Variants in C9 observed in about 807,000 individuals in gnomAD.
The protein encoded by C9 is complement component C9.
Under a neutral mutation model 65.4 loss-of-function variants are expected in C9, and 63 were observed. The ratio of observed to expected loss-of-function variants is 0.96; its 90% CI spans 0.79 to 1.19. The LOEUF is 1.19. Among genes scored for constraint, C9 ranks in the 50% most tolerant of loss-of-function variants. The pLI is 0.00. For synonymous variants in C9, 229 were observed against 227.9 expected, an observed-to-expected ratio of 1.00 and a Z score of -0.04; for missense variants, 744 against 670.1, an observed-to-expected ratio of 1.11 and a Z score of -1.22.
chr5:39,322,152 C>A (rs1561342906), intron 5 of C9, among the ~76,000 whole-genome samples: 1 of 152,058 alleles, frequency 6.6e-6, no homozygotes, highest in East Asian at 1.9e-4. Context: ...TATTAAGGAT[C>A]TCTTTTGATC....
intron 1 of C9, among the ~76,000 whole-genome samples, chr5:39,359,365 C>G (rs1481181820): frequency 1.3e-5 from 2 of 151,640 alleles, no homozygotes; most frequent in Non-Finnish European, 2.9e-5. Context: ...AACAATTGCA[C>G]TGGAGATACA....
At chr5:39,317,774 T>G (rs1001252793) in intron 5 of C9, among the ~76,000 whole-genome samples, 1 of 152,164 alleles carries the variant, frequency 6.6e-6, no homozygotes, top group African/African-American at 2.4e-5. Context: ...AGTCAGGCAG[T>G]GTGACACCTC....
chr5:39,323,517 T>C (rs1165363917), intron 5 of C9, among the ~76,000 whole-genome samples: 1 of 149,804 alleles, frequency 6.7e-6, no homozygotes, highest in Non-Finnish European at 1.5e-5. Context: ...GTTTAACATA[T>C]GCAAATCAAT....
intron 9 of C9, 135 bp from the exon 10 acceptor site, chr5:39,289,086 T>C: frequency 3.0e-6 from 2 of 667,760 alleles, no homozygotes; most frequent in Non-Finnish European, 5.4e-6. Context: ...TTGCCAGATG[T>C]GATGTTAGCT....
intron 10 of C9, 72 bp downstream of exon 10, chr5:39,288,651 G>T: frequency 1.3e-6 from 1 of 796,994 alleles, no homozygotes; most frequent in Non-Finnish European, 2.3e-6. Flanking sequence ...TAATTCAAGA[G>T]CTAGTTTTCA....
At chr5:39,354,933 T>C (rs575864615) in intron 1 of C9, among the ~76,000 whole-genome samples, 1 of 152,350 alleles carries the variant, frequency 6.6e-6, no homozygotes, top group South Asian at 2.1e-4. Context: ...TGGAACATCA[T>C]TGGTTTCAGG....
chr5:39,350,348 C>G (rs1754300581), intron 1 of C9, among the ~76,000 whole-genome samples: 1 of 152,168 alleles, frequency 6.6e-6, no homozygotes, highest in Admixed American at 6.5e-5. Flanking sequence ...CAGTGCCAAA[C>G]CATATCATTC....
intron 4 of C9, among the ~76,000 whole-genome samples, chr5:39,332,575 G>C (rs886652162): frequency 6.6e-6 from 1 of 152,220 alleles, no homozygotes; most frequent in Non-Finnish European, 1.5e-5. Flanking sequence ...ATATACCTCT[G>C]TTCATTGGAG....
At position 39,341,205 on chromosome 5, in the gene C9, A is replaced by G. The variant is rs201897029; in HGVS notation, c.417T>C (p.Arg139=). 3.8e-4 allele frequency: 618 copies of G among 1,613,950 alleles called. 6 individuals carry two copies. In the East Asian group the frequency reaches 0.014, roughly 35 times the overall value. ...CTACCACTCTGTCTCTGCAGGGGGG[A>G]CGGGGCTCACTTTCACAATCATCCT... ...SDEDDCESEP[R]PPCRDRVVEE... The change falls in exon 4 of 11, where the codon CGT becomes CGC. Residue 139 remains arginine (R), a synonymous_variant. Transcript: ENST00000263408.
intron 5 of C9, among the ~76,000 whole-genome samples, chr5:39,322,071 A>G (rs1753674987): frequency 6.6e-6 from 1 of 152,038 alleles, no homozygotes; most frequent in African/African-American, 2.4e-5. Context: ...GCACACATGG[A>G]ACATTCTCGT....
chr5:39,333,180 C>T (rs773921956), intron 4 of C9, among the ~76,000 whole-genome samples: 47 of 51,954 alleles, frequency 9.0e-4, no homozygotes, highest in Non-Finnish European at 1.6e-3. Context: ...CCTTATTCCT[C>T]ATGATAAATT....
At chr5:39,322,935 C>G (rs10062131) in intron 5 of C9, among the ~76,000 whole-genome samples, 4,483 of 152,104 alleles carry the variant, frequency 0.029, 204 homozygotes, top group African/African-American at 0.1. Flanking sequence ...AAGGATTTAG[C>G]TATTTGTGAG....
intron 9 of C9, among the ~76,000 whole-genome samples, chr5:39,291,667 AAAAC>A (rs1753100002): frequency 6.6e-6 from 1 of 151,976 alleles, no homozygotes; most frequent in African/African-American, 2.4e-5. Context: ...GAAAATCTTA[AAAAC>A]AGTTTAGTAA....
intron 1 of C9, among the ~76,000 whole-genome samples, chr5:39,356,379 C>T (rs1474665008): frequency 8.5e-5 from 13 of 152,164 alleles, no homozygotes; most frequent in African/African-American, 3.1e-4. Context: ...GTGGTCATAG[C>T]ATATTTAGTA....
intron 9 of C9, among the ~76,000 whole-genome samples, chr5:39,298,799 A>G (rs554345534): frequency 4.6e-5 from 7 of 152,052 alleles, no homozygotes; most frequent in African/African-American, 1.7e-4. Context: ...GAAGAAAATT[A>G]CAAATCAATA....
At chr5:39,333,987 C>T (rs1325863805) in intron 4 of C9, among the ~76,000 whole-genome samples, 1 of 152,172 alleles carries the variant, frequency 6.6e-6, no homozygotes, top group African/African-American at 2.4e-5. Context: ...AGCCGCCTGC[C>T]TTGGCCCCCC....
intron 1 of C9, among the ~76,000 whole-genome samples, chr5:39,354,377 C>T (rs1754378265): frequency 6.6e-6 from 1 of 152,286 alleles, no homozygotes; most frequent in South Asian, 2.1e-4. Context: ...GATCCCCATT[C>T]TATACTGATT....
chr5:39,343,232 C>T (rs1335618115), intron 1 of C9, among the ~76,000 whole-genome samples: 3 of 152,146 alleles, frequency 2.0e-5, no homozygotes, highest in Non-Finnish European at 2.9e-5. Context: ...GGCAAGGCAT[C>T]GCCTCACCCG....
rs1752953272 is a variant in C9, at chr5:39,284,517, A to G, written c.*682T>C. 2 of 152,254 alleles carry G rather than the reference A, an allele frequency of 1.3e-5. No homozygotes were observed. Among genetic ancestry groups the G allele is most frequent in the South Asian group, 4.1e-4 (2 of 4,838 alleles). The allele number at this position is 152,254 out of a possible 1,614,324, so 9.4% of individuals were successfully genotyped here. A position where few individuals can be genotyped will look rare whatever the true frequency, so the allele number is the denominator to read the frequency against. On this transcript the variant is annotated 3_prime_UTR_variant, in exon 11 of 11. Coordinates refer to ENST00000263408, the MANE Select transcript of C9 (RefSeq NM_001737.5). ...TAAACTAATAGTTTATGTTCATTCT[A>G]TTCTGCTACTGAACACTATCTATAT...
Sources: gnomAD v4.1 joint callset for allele counts (sites outside exome capture counted in the v4.1 genomes callset) on GRCh38, gnomAD v4.1.1 for gene constraint, MANE v1.5 for transcripts, NCBI Gene and HGNC (gene_info 2026-07-23, HGNC 2026-07-21) for gene names.